The following CAMK2A variants were observed in gnomAD, a reference collection of about 807,000 sequenced individuals.
CAMK2A encodes calcium/calmodulin dependent protein kinase II alpha, also known as calcium/calmodulin-dependent protein kinase type II subunit alpha.
A neutral mutation model predicts 79.2 loss-of-function variants in CAMK2A; 7 were observed. The ratio of observed to expected loss-of-function variants is 0.09; its 90% CI spans 0.05 to 0.17. The LOEUF (loss-of-function observed/expected upper bound fraction) is 0.17. Ranked by LOEUF, CAMK2A falls within the 10% of genes least tolerant of loss-of-function variation. The pLI is 1.00. For synonymous variants in CAMK2A, 242 were observed against 251.7 expected, an observed-to-expected ratio of 0.96 and a Z score of 0.36; for missense variants, 214 against 646.4, an observed-to-expected ratio of 0.33 and a Z score of 7.25.
intron 13 of CAMK2A, among the ~76,000 whole-genome samples, chr5:150,241,310 A>AT (rs1462584919): frequency 6.8e-6 from 1 of 146,368 alleles, no homozygotes; most frequent in Non-Finnish European, 1.5e-5. Flanking sequence ...CATCTCCCCG[A>AT]TTCCCTTCCC....
In CAMK2A at chr5:150,256,895, G is replaced by A; in HGVS notation, c.273-64C>T. The A allele has an allele frequency of 4.2e-6, 6 of 1,425,026 alleles. No individual in the cohort carries two copies. The highest frequency in any genetic ancestry group is 5.8e-6 in the Non-Finnish European group (6 of 1,028,204). 88.3% of individuals were successfully genotyped at this position (1,425,026 alleles called of 1,614,324 possible). A position where few individuals can be genotyped will look rare whatever the true frequency, so the allele number is the denominator to read the frequency against. Reference sequence around the variant, plus strand: ...GACAGGTGCTGCCTCATCTGGAGGAGTCTCCAGGAAACTAAGGATGGGGCC... The same window carrying A: ...GACAGGTGCTGCCTCATCTGGAGGAATCTCCAGGAAACTAAGGATGGGGCC... On this transcript the variant is annotated intron_variant, in intron 4 of 18. Transcript: ENST00000671881. This position sits in a 1 kb window ranked among gnomAD's most constrained non-coding sequence, Gnocchi z 4.6.
In CAMK2A at chr5:150,221,453, G is replaced by C. The variant is rs1222030939; in HGVS notation, c.*1257C>G. ...CCCCAGAGGTGGGTGGGGGGTGCTGGGGGCGGCACACAGATATGGTGAGAT... is the reference window on the plus strand; with the variant it reads ...CCCCAGAGGTGGGTGGGGGGTGCTGCGGGCGGCACACAGATATGGTGAGAT... On this transcript the variant is annotated 3_prime_UTR_variant, in exon 19 of 19. Coordinates refer to ENST00000671881, the MANE Select transcript of CAMK2A (RefSeq NM_015981.4). 1 of 398,554 alleles carries C rather than the reference G, an allele frequency of 2.5e-6. No homozygotes were observed. Among genetic ancestry groups the C allele is most frequent in the African/African-American group, 2.1e-5 (1 of 48,602 alleles). 24.7% of individuals were successfully genotyped at this position (398,554 alleles called of 1,614,324 possible). A position where few individuals can be genotyped will look rare whatever the true frequency, so the allele number is the denominator to read the frequency against.
chr5:150,226,525 T>A (rs1022232822), intron 17 of CAMK2A, among the ~76,000 whole-genome samples: 1 of 151,842 alleles, frequency 6.6e-6, no homozygotes, highest in East Asian at 1.9e-4. Context: ...TCACCTGAGG[T>A]CTGGAGCTTG....
chr5:150,282,059 A>G (rs1757236374), intron 1 of CAMK2A, among the ~76,000 whole-genome samples: 1 of 152,122 alleles, frequency 6.6e-6, no homozygotes, highest in Non-Finnish European at 1.5e-5. Context: ...GCAGAACTCC[A>G]CAGAACAAAG....
intron 12 of CAMK2A, among the ~76,000 whole-genome samples, chr5:150,245,484 G>A (rs2114054596): frequency 6.6e-6 from 1 of 152,296 alleles, no homozygotes; most frequent in East Asian, 1.9e-4. Context: ...TCCCAGGACT[G>A]TGGGCTGCTG....
intron 11 of CAMK2A, among the ~76,000 whole-genome samples, chr5:150,248,483 C>G (rs1046523334): frequency 8.9e-6 from 1 of 111,992 alleles, no homozygotes; most frequent in Non-Finnish European, 1.7e-5. Context: ...TATCCCTCCC[C>G]CCTCCCCCCA....
chr5:150,274,009 C>G (rs1278629166), intron 1 of CAMK2A, among the ~76,000 whole-genome samples: 2 of 152,182 alleles, frequency 1.3e-5, no homozygotes, highest in African/African-American at 2.4e-5. Context: ...GAGAGATTGT[C>G]CATATTAAAG....
intron 1 of CAMK2A, among the ~76,000 whole-genome samples, chr5:150,285,954 C>T (rs781286022): frequency 2.0e-5 from 3 of 152,170 alleles, no homozygotes; most frequent in Non-Finnish European, 2.9e-5. Context: ...GACCCCTTCC[C>T]TGGGCCATCT....
intron 17 of CAMK2A, among the ~76,000 whole-genome samples, chr5:150,225,806 A>G (rs908918631): frequency 2.0e-5 from 3 of 152,156 alleles, no homozygotes; most frequent in African/African-American, 7.2e-5. Flanking sequence ...GTGCAGTGGC[A>G]TGATCTCAGC....
rs569793931 is a variant in CAMK2A, at chr5:150,237,812, C to T, written c.1066+888G>A. 1.4e-3 allele frequency among the ~76,000 whole-genome samples: 211 copies of T among 152,260 alleles called. 2 individuals are homozygous for T. The highest frequency in any genetic ancestry group is 2.0e-3 in the Non-Finnish European group (137 of 68,018). On this transcript the variant is annotated intron_variant, in intron 15 of 18. Coordinates refer to ENST00000671881, the MANE Select transcript of CAMK2A (RefSeq NM_015981.4). ...CACACAGCAAGCATTCCATAAATGA[C>T]GGCCCTTATTACTATTTTTGTTTTA...
In CAMK2A at chr5:150,236,255, G is replaced by A. The variant is rs140440411; in HGVS notation, c.1066+2445C>T. Among the ~76,000 whole-genome samples the A allele has an allele frequency of 1.4e-4, 21 of 152,190 alleles. 1 individual carries two copies. The East Asian group carries it at 3.1e-3, about 22-fold the overall frequency. On this transcript the variant is annotated intron_variant, in intron 15 of 18. Transcript: ENST00000671881. Reference sequence around the variant, plus strand: ...TTACATTAATAGTGCATACAAATTTGGTATTGTATTCCAAATATTTCTCTC... The same window carrying A: ...TTACATTAATAGTGCATACAAATTTAGTATTGTATTCCAAATATTTCTCTC...
At chr5:150,275,381 G>GT (rs148795877) in intron 1 of CAMK2A, among the ~76,000 whole-genome samples, 25,925 of 151,888 alleles carry the variant, frequency 0.17, 2,393 homozygotes, top group East Asian at 0.22. Context: ...CTATGAAGGG[G>GT]TTTTTTTTCA....
At chr5:150,266,728 C>A (rs991550973) in intron 2 of CAMK2A, among the ~76,000 whole-genome samples, 1 of 152,180 alleles carries the variant, frequency 6.6e-6, no homozygotes, top group Admixed American at 6.5e-5. Context: ...CAGCTCATAA[C>A]CACTACCTCC....
At chr5:150,264,840 C>T (rs973419664) in intron 3 of CAMK2A, 116 bp downstream of exon 3, 6 of 761,444 alleles carry the variant, frequency 7.9e-6, no homozygotes, top group African/African-American at 3.4e-5. Flanking sequence ...CTGCTGCCTC[C>T]ATCCCCAGAG....
In CAMK2A at chr5:150,230,169, T is replaced by C. The variant is rs187111135; in HGVS notation, c.1142+1136A>G. On this transcript the variant is annotated intron_variant, in intron 16 of 18. Transcript: ENST00000671881. ...CCCGTCTCTACTAAAAATACAAAAA[T>C]TAGCTGGGCGTGGTGGCGTGCACCT... Among the ~76,000 whole-genome samples the C allele has an allele frequency of 5.5e-3, 834 of 151,868 alleles. 4 individuals are homozygous for C. Among genetic ancestry groups the C allele is most frequent in the Middle Eastern group, 0.014 (4 of 294 alleles).
chr5:150,283,811 A>G (rs769702992), intron 1 of CAMK2A, among the ~76,000 whole-genome samples: 1 of 151,884 alleles, frequency 6.6e-6, no homozygotes, highest in Non-Finnish European at 1.5e-5. Context: ...TAGGCCTGGG[A>G]ACAGAGTACC....
chr5:150,256,642 G>A lies in CAMK2A; in HGVS notation c.342C>T (p.His114=). The A allele has an allele frequency of 6.2e-7, 1 of 1,613,990 alleles. No individual in the cohort carries two copies. The change falls in exon 6 of 19, where the codon CAC becomes CAT. Residue 114 remains histidine, a synonymous_variant. Transcript: ENST00000671881. This position sits in a 1 kb window ranked among gnomAD's most constrained non-coding sequence, Gnocchi z 4.6. The stretch of plus-strand genomic sequence containing the variant: ...CAGCCTCCAGGATCTGCTGGATACA[G>A]TGACTAGGGAGAGAGAGAGGAAGGG... ...REYYSEADAS[H]CIQQILEAVL... is the part of the protein sequence containing the mutation.
chr5:150,265,140 C>A, intron 2 of CAMK2A, 125 bp from the exon 3 acceptor site: 4 of 734,278 alleles, frequency 5.4e-6, no homozygotes, highest in Non-Finnish European at 9.8e-6. Context: ...GGAAAGCTCA[C>A]CTTCTGGCCA....
At chr5:150,230,134 A>G (rs576405145) in intron 16 of CAMK2A, among the ~76,000 whole-genome samples, 4 of 152,094 alleles carry the variant, frequency 2.6e-5, no homozygotes, top group Non-Finnish European at 5.9e-5. Context: ...CCTGACCAAC[A>G]TGGTGAAACC....
Sources: gnomAD v4.1 joint callset for allele counts (sites outside exome capture counted in the v4.1 genomes callset) on GRCh38, gnomAD v4.1.1 for gene constraint, Gnocchi (gnomAD v3.1) non-coding constraint, MANE v1.5 for transcripts, NCBI Gene and HGNC (gene_info 2026-07-23, HGNC 2026-07-21) for gene names.